TRIM9: variants seen among roughly 807,000 people sequenced by gnomAD.
The protein encoded by TRIM9 is E3 ubiquitin-protein ligase TRIM9.
Under a neutral mutation model 78.3 loss-of-function variants are expected in TRIM9, and 26 were observed. The ratio of observed to expected loss-of-function variants is 0.33; its 90% CI spans 0.24 to 0.46. The LOEUF (loss-of-function observed/expected upper bound fraction) is 0.46, where lower values mean the gene tolerates loss of function less well. TRIM9 is among the 20% of genes least tolerant of loss of function. The probability of loss-of-function intolerance (pLI) is 1.00; values close to 1 mark genes in which losing one functional copy is unlikely to be tolerated. For synonymous variants in TRIM9, 398 were observed against 416.5 expected (o/e 0.96, Z 0.54); for missense variants, 787 against 1,036.4 (o/e 0.76, Z 3.30).
intron 1 of TRIM9, among the ~76,000 whole-genome samples, chr14:51,055,514 G>A (rs899641845): frequency 6.6e-6 from 1 of 152,236 alleles, no homozygotes; most frequent in African/African-American, 2.4e-5. Flanking sequence ...AAAAGTGGTA[G>A]AGGGAAGCAG....
intron 1 of TRIM9, among the ~76,000 whole-genome samples, chr14:51,061,497 A>AT (rs1268345146): frequency 6.6e-6 from 1 of 151,402 alleles, no homozygotes; most frequent in African/African-American, 2.4e-5. Context: ...TACATGTACA[A>AT]TTTTTTCCTA....
chr14:50,981,725 G>A (rs945136819), intron 11 of TRIM9, 75 bp downstream of exon 11: 1 of 1,577,898 alleles, frequency 6.3e-7, no homozygotes, highest in African/African-American at 1.3e-5. Context: ...CTATGTAATA[G>A]GTTTTTGAAC....
chr14:50,980,778 GGT>G (rs1270587307), intron 11 of TRIM9, among the ~76,000 whole-genome samples: 3 of 152,214 alleles, frequency 2.0e-5, no homozygotes, highest in Admixed American at 1.3e-4. Context: ...ATGGTGAAAT[GGT>G]GTGTGTGTTC....
chr14:51,040,574 T>A (rs2059509525), intron 1 of TRIM9, among the ~76,000 whole-genome samples: 1 of 152,188 alleles, frequency 6.6e-6, no homozygotes, highest in African/African-American at 2.4e-5. Context: ...TGCTCATACT[T>A]TTACCCACTC....
At chr14:51,018,350 C>A (rs994171884) in intron 3 of TRIM9, among the ~76,000 whole-genome samples, 1 of 151,764 alleles carries the variant, frequency 6.6e-6, no homozygotes, top group African/African-American at 2.4e-5. Flanking sequence ...TTCTTTCTAT[C>A]CTTCCTCCCT....
chr14:51,053,580 CT>C (rs1348456935), intron 1 of TRIM9, among the ~76,000 whole-genome samples: 7,189 of 74,702 alleles, frequency 0.096, 584 homozygotes, highest in African/African-American at 0.25. Context: ...TTTTAATTTT[CT>C]TTTTTTTTTT....
Position 50,977,285 on chromosome 14 carries a change from A to C in TRIM9, c.*6T>G, listed in dbSNP as rs1403028481. On this transcript the variant is annotated 3_prime_UTR_variant, in exon 13 of 13. Transcript: ENST00000684578. ...AACAGGCAGCTGGCGCCTCCACGGC[A>C]CATCCTTAGGCTATTGATGCTCTGC... 2 of 1,500,006 alleles carry C rather than the reference A, an allele frequency of 1.3e-6. No individual in the cohort carries two copies. Among genetic ancestry groups the C allele is most frequent in the Non-Finnish European group, 1.8e-6 (2 of 1,119,578 alleles). The allele number at this position is 1,500,006 out of a possible 1,614,324, so 92.9% of individuals were successfully genotyped here.
At chr14:51,028,956 A>G (rs80292596) in intron 1 of TRIM9, among the ~76,000 whole-genome samples, 15,258 of 151,918 alleles carry the variant, frequency 0.1, 1,150 homozygotes, top group African/African-American at 0.21. Flanking sequence ...CCCAGGAGGG[A>G]GAGATCAGGC....
At chr14:51,009,977 A>T (rs75254705) in intron 4 of TRIM9, among the ~76,000 whole-genome samples, 7,010 of 152,254 alleles carry the variant, frequency 0.046, 195 homozygotes, top group Middle Eastern at 0.11. Context: ...GAAGGTAGAC[A>T]TCTTACAAAC....
At chr14:51,044,405 CA>C (rs2059791958) in intron 1 of TRIM9, among the ~76,000 whole-genome samples, 1 of 152,188 alleles carries the variant, frequency 6.6e-6, no homozygotes, top group African/African-American at 2.4e-5. Context: ...ACCTCCTCTG[CA>C]GCTAGGATTA....
chr14:50,996,570 A>T, intron 7 of TRIM9: 1 of 985,452 alleles, frequency 1.0e-6, no homozygotes, highest in Non-Finnish European at 1.2e-6. Flanking sequence ...GCAGGCATGC[A>T]CTTCACTCTT....
chr14:51,056,003 G>A (rs138395225), intron 1 of TRIM9, among the ~76,000 whole-genome samples: 69 of 152,218 alleles, frequency 4.5e-4, no homozygotes, highest in African/African-American at 1.5e-3. Context: ...AACCTTCATC[G>A]GAATGTATAA....
chr14:51,064,795 T>A (rs937265024), intron 1 of TRIM9, among the ~76,000 whole-genome samples: 2 of 152,024 alleles, frequency 1.3e-5, no homozygotes, highest in Non-Finnish European at 2.9e-5. Context: ...ATGAACCAAA[T>A]GGAGACAAGA....
intron 3 of TRIM9, among the ~76,000 whole-genome samples, chr14:51,021,594 G>C (rs779694068): frequency 6.6e-6 from 1 of 152,150 alleles, no homozygotes; most frequent in African/African-American, 2.4e-5. Flanking sequence ...CACTATGAGC[G>C]TAAGACCAGA....
intron 7 of TRIM9, among the ~76,000 whole-genome samples, chr14:50,994,071 G>A (rs564971049): frequency 1.6e-4 from 25 of 152,332 alleles, no homozygotes; most frequent in African/African-American, 6.0e-4. Context: ...GATTATACTG[G>A]ATTATCCAGG....
At chr14:51,013,148 G>C (rs951297115) in intron 3 of TRIM9, among the ~76,000 whole-genome samples, 4 of 151,448 alleles carry the variant, frequency 2.6e-5, no homozygotes, top group African/African-American at 9.7e-5. Flanking sequence ...GGAGTTTATA[G>C]TTTTAGGTTT....
chr14:51,005,767 T>G (rs1341110959), intron 5 of TRIM9, among the ~76,000 whole-genome samples: 1 of 152,064 alleles, frequency 6.6e-6, no homozygotes, highest in African/African-American at 2.4e-5. Flanking sequence ...GGAAAGAGGG[T>G]AAGATGATTT....
Position 51,071,646 on chromosome 14 carries a change from T to TA in TRIM9, c.822+22471dup, listed in dbSNP as rs201840743. ...AGTGAGACTTTGTCTCTACTAAAAA[T>TA]AAAAAAAAAATTAACCAGGCGTGGT... On this transcript the variant is annotated intron_variant, in intron 1 of 12. Transcript: ENST00000684578. Among the ~76,000 whole-genome samples, 401 of 146,916 alleles carry TA rather than the reference T, an allele frequency of 2.7e-3. 2 individuals are homozygous for TA. The highest frequency in any genetic ancestry group is 9.3e-3 in the African/African-American group (371 of 40,074).
At chr14:51,093,587 G>T (rs2064620732) in intron 1 of TRIM9, among the ~76,000 whole-genome samples, 1 of 152,214 alleles carries the variant, frequency 6.6e-6, no homozygotes, top group African/African-American at 2.4e-5. Flanking sequence ...CCCAGAGCCG[G>T]GCTCATCAGT....
Sources: allele counts gnomAD v4.1 joint callset (sites outside exome capture counted in the v4.1 genomes callset), GRCh38; gene constraint gnomAD v4.1.1; transcripts MANE v1.5; gene names NCBI Gene and HGNC (gene_info 2026-07-23, HGNC 2026-07-21).